UNC79: variants seen among roughly 807,000 people sequenced by gnomAD.
The protein encoded by UNC79 is protein unc-79 homolog.
A neutral mutation model predicts 283.1 loss-of-function variants in UNC79; 37 were observed. The observed-to-expected ratio is 0.13, with a 90% CI of 0.10 to 0.17. UNC79 has a LOEUF of 0.17. Ranked by LOEUF, UNC79 falls within the 10% of genes least tolerant of loss-of-function variation. The pLI, the probability that UNC79 is intolerant of heterozygous loss-of-function variation, is 1.00. For synonymous variants in UNC79, 1,107 were observed against 1,200.2 expected (o/e 0.92, Z 1.61); for missense variants, 2,272 against 3,211.1 (o/e 0.71, Z 7.07).
rs75708058 is a variant in UNC79 at position 93,689,275 on chromosome 14, G to T, written c.7085+435G>T. 1,037 of 161,102 alleles carry T rather than the reference G, an allele frequency of 6.4e-3. 15 individuals carry two copies. The highest frequency in any genetic ancestry group is 0.024 in the African/African-American group (986 of 41,940). 10.0% of individuals were successfully genotyped at this position (161,102 alleles called of 1,614,324 possible). A position where few individuals can be genotyped will look rare whatever the true frequency, so the allele number is the denominator to read the frequency against. On this transcript the variant is annotated intron_variant, in intron 44 of 48. Transcript: ENST00000555664. ...TGCCTTTTAGGGAGGCTAAAGAAGA[G>T]AGAGGCATGTATGGGTTTGTTGACT...
intron 1 of UNC79, among the ~76,000 whole-genome samples, chr14:93,404,495 T>A (rs11276484): frequency 0.14 from 5,286 of 38,916 alleles, 554 homozygotes; most frequent in African/African-American, 0.19. Flanking sequence ...CTAAAAAAAA[T>A]ATATATATAT....
chr14:93,486,162 G>C (rs962652663), intron 4 of UNC79, among the ~76,000 whole-genome samples: 1 of 152,100 alleles, frequency 6.6e-6, no homozygotes, highest in Non-Finnish European at 1.5e-5. Flanking sequence ...GAAATCTAAG[G>C]GTTGACTTTT....
intron 30 of UNC79, among the ~76,000 whole-genome samples, chr14:93,629,266 A>G (rs1173677834): frequency 6.6e-6 from 1 of 152,204 alleles, no homozygotes; most frequent in African/African-American, 2.4e-5. Flanking sequence ...AATCTTTCAG[A>G]GAATCCTTGA....
At chr14:93,473,968 C>A in intron 2 of UNC79, 121 bp from the exon 3 acceptor site, 2 of 1,225,878 alleles carry the variant, frequency 1.6e-6, no homozygotes, top group Non-Finnish European at 2.2e-6. Context: ...GCTGGCGTGG[C>A]AATTGCATCT....
chr14:93,433,952 G>T (rs1322225259), intron 1 of UNC79, among the ~76,000 whole-genome samples: 1 of 152,152 alleles, frequency 6.6e-6, no homozygotes, highest in African/African-American at 2.4e-5. Context: ...AGTGGCTCAC[G>T]CCTGTAATCC....
chr14:93,337,352 T>C (rs1419700927), intron 1 of UNC79, among the ~76,000 whole-genome samples: 1 of 152,248 alleles, frequency 6.6e-6, no homozygotes, highest in Non-Finnish European at 1.5e-5. Context: ...ATGTAACTTA[T>C]TCTTCCTTGA....
At chr14:93,448,716 G>T (rs916821067) in intron 1 of UNC79, among the ~76,000 whole-genome samples, 2 of 152,168 alleles carry the variant, frequency 1.3e-5, no homozygotes, top group Non-Finnish European at 2.9e-5. Flanking sequence ...CTGTTCTCAT[G>T]CAGCAGTTCC....
At chr14:93,419,486 G>A (rs1407730501) in intron 1 of UNC79, among the ~76,000 whole-genome samples, 2 of 151,516 alleles carry the variant, frequency 1.3e-5, no homozygotes, top group African/African-American at 4.8e-5. Context: ...CTCTTAATTA[G>A]AAAGACTAAA....
chr14:93,423,661 A>G (rs1418684574), intron 1 of UNC79, among the ~76,000 whole-genome samples: 1 of 152,258 alleles, frequency 6.6e-6, no homozygotes, highest in Non-Finnish European at 1.5e-5. Context: ...GGATGTCCAT[A>G]TGTGAAAGAA....
chr14:93,480,959 G>A (rs548611628), intron 4 of UNC79, among the ~76,000 whole-genome samples: 134 of 152,234 alleles, frequency 8.8e-4, no homozygotes, highest in African/African-American at 3.0e-3. Context: ...CTGCTTTTCA[G>A]GTATAAAATG....
rs547437012 is a variant in UNC79, at chr14:93,384,088, C to A, written c.-351+50565C>A. Reference sequence around the variant, plus strand: ...TCAGCAGCATGAAAATGGACTAATACAATCTCTCATCTGTTGATGGACCCT... The same window carrying A: ...TCAGCAGCATGAAAATGGACTAATAAAATCTCTCATCTGTTGATGGACCCT... On this transcript the variant is annotated intron_variant, in intron 1 of 49. Transcript: ENST00000256339. Among the ~76,000 whole-genome samples the A allele has an allele frequency of 1.3e-3, 198 of 152,326 alleles. 2 individuals are homozygous for A. In the South Asian group the frequency reaches 0.013, roughly 10 times the overall value.
At chr14:93,619,984 A>G (rs1033209317) in intron 29 of UNC79, among the ~76,000 whole-genome samples, 1 of 152,234 alleles carries the variant, frequency 6.6e-6, no homozygotes, top group Non-Finnish European at 1.5e-5. Context: ...AGTAAACTTT[A>G]TGGGTTGCAA....
chr14:93,566,006 GGGACA>G (rs2062854268), intron 14 of UNC79, among the ~76,000 whole-genome samples: 1 of 152,180 alleles, frequency 6.6e-6, no homozygotes, highest in Non-Finnish European at 1.5e-5. Context: ...CAACAAATAG[GGGACA>G]GGAGAGGAGG....
intron 1 of UNC79, among the ~76,000 whole-genome samples, chr14:93,401,827 C>T (rs1012342633): frequency 1.3e-5 from 2 of 151,968 alleles, no homozygotes; most frequent in African/African-American, 4.8e-5. Flanking sequence ...ACTGGTTGTC[C>T]AGAGAGTTAG....
At chr14:93,510,555 C>T (rs575987450) in intron 7 of UNC79, among the ~76,000 whole-genome samples, 8 of 152,278 alleles carry the variant, frequency 5.3e-5, no homozygotes, top group African/African-American at 1.9e-4. Context: ...TGACAGATAC[C>T]TTAAATCATC....
At chr14:93,634,608 C>T (rs757442429) in intron 31 of UNC79, 3 of 1,614,024 alleles carry the variant, frequency 1.9e-6, no homozygotes. Flanking sequence ...CAGTCTAGCG[C>T]CCCCCATAAC....
intron 22 of UNC79, among the ~76,000 whole-genome samples, chr14:93,589,346 C>T (rs974253762): frequency 5.3e-5 from 8 of 151,894 alleles, no homozygotes; most frequent in East Asian, 1.9e-4. Flanking sequence ...ATCCATTCTA[C>T]GATTGAAAGC....
intron 2 of UNC79, among the ~76,000 whole-genome samples, chr14:93,471,366 C>T (rs913532167): frequency 6.6e-5 from 10 of 152,110 alleles, no homozygotes; most frequent in African/African-American, 9.7e-5. Flanking sequence ...CAACAGAGGT[C>T]TTCCTCTCTT....
At chr14:93,622,185 C>G in exon 30 of UNC79, 1 of 1,614,120 alleles carries the variant, frequency 6.2e-7, no homozygotes, top group South Asian at 1.1e-5. Context: ...GAAGAGGAGA[C>G]GATGAACCAA....
Sources: gnomAD v4.1 joint callset for allele counts (sites outside exome capture counted in the v4.1 genomes callset) on GRCh38, gnomAD v4.1.1 for gene constraint, MANE v1.5 for transcripts, NCBI Gene and HGNC (gene_info 2026-07-23, HGNC 2026-07-21) for gene names.